COL5A2: variants seen among roughly 807,000 people sequenced by gnomAD.
COL5A2 encodes collagen type V alpha 2 chain, also known as collagen alpha-2(V) chain.
A neutral mutation model predicts 208.2 loss-of-function variants in COL5A2; 23 were observed. The ratio of observed to expected loss-of-function variants is 0.11; its 90% CI spans 0.08 to 0.16. The LOEUF (loss-of-function observed/expected upper bound fraction) is 0.16. Among genes scored for constraint, COL5A2 ranks in the 10% least tolerant of loss-of-function variants. The probability of loss-of-function intolerance (pLI) is 1.00; values close to 1 mark genes in which losing one functional copy is unlikely to be tolerated. For synonymous variants in COL5A2, 625 were observed against 628.5 expected, an observed-to-expected ratio of 0.99 and a Z score of 0.08; for missense variants, 1,590 against 1,956.4, an observed-to-expected ratio of 0.81 and a Z score of 3.53.
the COL5A2 span, among the ~76,000 whole-genome samples, chr2:189,315,547 T>A: frequency 2.0e-5 from 3 of 152,060 alleles, no homozygotes; most frequent in African/African-American, 7.2e-5. Flanking sequence ...CTCTCACCAC[T>A]CCTATTCCAC....
At chr2:189,208,075 T>C (rs1483329410) in intron 1 of COL5A2, among the ~76,000 whole-genome samples, 1 of 152,194 alleles carries the variant, frequency 6.6e-6, no homozygotes. Context: ...AGCTACGAAG[T>C]CATTTATGCA....
the COL5A2 span, among the ~76,000 whole-genome samples, chr2:189,323,908 C>G: frequency 6.6e-6 from 1 of 152,316 alleles, no homozygotes; most frequent in African/African-American, 2.4e-5. Context: ...ATCACGCTAC[C>G]TGACTTCAAA....
chr2:189,412,403 G>C, the COL5A2 span, among the ~76,000 whole-genome samples: 1 of 152,136 alleles, frequency 6.6e-6, no homozygotes, highest in African/African-American at 2.4e-5. Flanking sequence ...TTTATATTAA[G>C]AAATACTCAT....
intron 26 of COL5A2, 109 bp downstream of exon 26, chr2:189,063,871 T>C (rs1030096525): frequency 4.6e-6 from 4 of 861,060 alleles, no homozygotes; most frequent in Non-Finnish European, 7.5e-6. Context: ...AATATGTCAA[T>C]ATGACCAGCA....
intron 8 of COL5A2, among the ~76,000 whole-genome samples, chr2:189,087,669 G>A (rs1251807969): frequency 3.4e-5 from 5 of 145,586 alleles, no homozygotes; most frequent in African/African-American, 1.3e-4. Flanking sequence ...GGGTTTCATC[G>A]TGTTAGCCAG....
the COL5A2 span, among the ~76,000 whole-genome samples, chr2:189,396,837 C>A: frequency 3.3e-5 from 5 of 151,256 alleles, no homozygotes; most frequent in Non-Finnish European, 7.4e-5. Flanking sequence ...TACTAACATA[C>A]AAAAATTAGC....
chr2:189,246,103 A>G, the COL5A2 span, among the ~76,000 whole-genome samples: 3 of 152,026 alleles, frequency 2.0e-5, no homozygotes, highest in Non-Finnish European at 2.9e-5. Context: ...TTTATCTCTG[A>G]AAAAAAACAT....
intron 25 of COL5A2, 124 bp downstream of exon 25, chr2:189,064,432 TA>T: frequency 2.7e-6 from 2 of 727,998 alleles, no homozygotes; most frequent in Non-Finnish European, 4.7e-6. Context: ...ATCAAAACCA[TA>T]AAAACAAAGA....
At chr2:189,312,390 C>T in the COL5A2 span, among the ~76,000 whole-genome samples, 9 of 152,194 alleles carry the variant, frequency 5.9e-5, no homozygotes, top group Middle Eastern at 3.4e-3. Flanking sequence ...GCTGGTGGAG[C>T]GGGACATGGA....
chr2:189,297,793 C>T, the COL5A2 span, among the ~76,000 whole-genome samples: 1 of 152,204 alleles, frequency 6.6e-6, no homozygotes. Flanking sequence ...TCCACTCTAT[C>T]TGCCAAACCA....
rs1405148253 is a variant in COL5A2 at position 189,056,962 on chromosome 2, C to A, written c.2391+11G>T. On this transcript the variant is annotated intron_variant, in intron 35 of 53. Transcript: ENST00000374866. ...TCCTAGCCCAGCTAGAAAAGGAATA[C>A]TTTCACTTACTCTTGCACCATCATT... is the stretch of plus-strand genomic sequence containing the variant. 2 of 1,613,774 alleles carry A rather than the reference C, an allele frequency of 1.2e-6. No homozygotes were observed. Among genetic ancestry groups the A allele is most frequent in the Admixed American group, 1.7e-5 (1 of 60,022 alleles).
chr2:189,402,409 TG>T, the COL5A2 span, among the ~76,000 whole-genome samples: 8 of 152,086 alleles, frequency 5.3e-5, no homozygotes, highest in Admixed American at 3.3e-4. Context: ...TTAGTAGAGA[TG>T]GGGTTTCATC....
chr2:189,123,248 G>A (rs554460836), intron 1 of COL5A2, among the ~76,000 whole-genome samples: 25 of 152,282 alleles, frequency 1.6e-4, no homozygotes, highest in African/African-American at 5.8e-4. Flanking sequence ...ACAGGCATGA[G>A]CCACTGCGCC....
At chr2:189,154,400 T>C (rs1475044852) in intron 1 of COL5A2, among the ~76,000 whole-genome samples, 2 of 152,222 alleles carry the variant, frequency 1.3e-5, no homozygotes, top group African/African-American at 4.8e-5. Context: ...TCATAATTCA[T>C]GACTCCTGCT....
rs548130675 is a variant in COL5A2, at chr2:189,132,377, A to C, written c.98-21928T>G. 1.9e-4 allele frequency among the ~76,000 whole-genome samples: 29 copies of C among 152,352 alleles called. 1 individual carries two copies. In the South Asian group the frequency reaches 6.0e-3, roughly 32 times the overall value. On this transcript the variant is annotated intron_variant, in intron 1 of 53. Transcript: ENST00000374866. ...TTTTAATTTCTGTTAAAACAGAGGAAATGAACTTTGTGTATTTAAGGGAGC... is the reference window on the plus strand; with the variant it reads ...TTTTAATTTCTGTTAAAACAGAGGACATGAACTTTGTGTATTTAAGGGAGC...
chr2:189,050,239 AG>A (rs1370794754), intron 43 of COL5A2, among the ~76,000 whole-genome samples: 9 of 151,138 alleles, frequency 6.0e-5, no homozygotes, highest in African/African-American at 2.2e-4. Flanking sequence ...TTACTTAAAA[AG>A]ACACTACCTA....
chr2:189,209,167 T>G (rs1251971427), intron 1 of COL5A2, among the ~76,000 whole-genome samples: 3 of 151,948 alleles, frequency 2.0e-5, no homozygotes, highest in Admixed American at 2.0e-4. Context: ...TTTTAAGTCC[T>G]CTAACAACTG....
chr2:189,082,547 T>C (rs1197699999), intron 12 of COL5A2, among the ~76,000 whole-genome samples: 1 of 152,254 alleles, frequency 6.6e-6, no homozygotes, highest in Non-Finnish European at 1.5e-5. Context: ...ATTGCTGAGC[T>C]ATGTTATTTC....
the COL5A2 span, among the ~76,000 whole-genome samples, chr2:189,420,220 T>A: frequency 6.6e-6 from 1 of 152,168 alleles, no homozygotes; most frequent in African/African-American, 2.4e-5. Flanking sequence ...GCATGTTGAG[T>A]TCATGATTCC....
Sources: allele counts gnomAD v4.1 joint callset (sites outside exome capture counted in the v4.1 genomes callset), GRCh38; gene constraint gnomAD v4.1.1; transcripts MANE v1.5; gene names NCBI Gene and HGNC (gene_info 2026-07-23, HGNC 2026-07-21).